The following P2RX6 variants were observed in gnomAD, a reference collection of about 807,000 sequenced individuals.
P2RX6 encodes the protein purinergic receptor P2X 6, also known as P2X purinoceptor 6.
A neutral mutation model predicts 54.2 loss-of-function variants in P2RX6; 62 were observed. That is an observed-to-expected ratio of 1.14 (90% CI 0.93 to 1.41). The LOEUF (loss-of-function observed/expected upper bound fraction) is 1.41, where lower values mean the gene tolerates loss of function less well. P2RX6 is among the 40% of genes most tolerant of loss of function. P2RX6 has a pLI of 0.00. For synonymous variants in P2RX6, 211 were observed against 231.9 expected, an observed-to-expected ratio of 0.91 and a Z score of 0.82; for missense variants, 541 against 566.3, an observed-to-expected ratio of 0.96 and a Z score of 0.45.
In P2RX6 at chr22:21,023,177, T is replaced by G; in HGVS notation, c.617T>G (p.Phe206Cys). 6 of 1,613,916 alleles carry G rather than the reference T, an allele frequency of 3.7e-6. No individual in the cohort carries two copies. Among genetic ancestry groups the G allele is most frequent in the Non-Finnish European group, 5.1e-6 (6 of 1,179,874 alleles). The change falls in exon 6 of 12, where the codon TTC becomes TGC. Residue 206 changes from phenylalanine (F) to cysteine (C), a missense_variant. Phe to Cys is a radical substitution (Grantham distance 205). Coordinates refer to ENST00000413302, the MANE Select transcript of P2RX6 (RefSeq NM_005446.5). ...FTLFIKNTVTFSKFNFSKSNA... is the reference protein window; with the variant it reads ...FTLFIKNTVTCSKFNFSKSNA... ...CTGTTCATCAAAAACACAGTCACCT[T>G]CAGCAAGTTCAACTTCTCTAAGTAA...
intron 3 of P2RX6, among the ~76,000 whole-genome samples, chr22:21,021,243 C>G (rs1927350784): frequency 6.6e-6 from 1 of 152,124 alleles, no homozygotes; most frequent in Non-Finnish European, 1.5e-5. Context: ...TCTCAAAGTG[C>G]TAGGATTACA....
In P2RX6 at chr22:21,027,008, C is replaced by T; in HGVS notation, c.*391C>T. 4.6e-6 allele frequency: 1 copy of T among 219,420 alleles called. No individual in the cohort carries two copies. Among genetic ancestry groups the T allele is most frequent in the South Asian group, 9.7e-5 (1 of 10,280 alleles). The allele number at this position is 219,420 out of a possible 1,614,324, so 13.6% of individuals were successfully genotyped here. A position where few individuals can be genotyped will look rare whatever the true frequency, so the allele number is the denominator to read the frequency against. On this transcript the variant is annotated 3_prime_UTR_variant, in exon 12 of 12. Coordinates refer to ENST00000413302, the MANE Select transcript of P2RX6 (RefSeq NM_005446.5). ...ACCCTCCTGCTGCCTGGGTCCTGGC[C>T]CTCCTCCCCCATCTGCACCCCCATC... is the stretch of plus-strand genomic sequence containing the variant.
chr22:21,019,265 A>T (rs2148031361), intron 3 of P2RX6, among the ~76,000 whole-genome samples: 1 of 152,256 alleles, frequency 6.6e-6, no homozygotes, highest in Admixed American at 6.5e-5. Context: ...GTTGCTGGAG[A>T]CATCCCATGT....
At chr22:21,022,834 T>A (rs1240802240) in intron 4 of P2RX6, 83 bp downstream of exon 4, 11 of 1,456,588 alleles carry the variant, frequency 7.6e-6, no homozygotes, top group Non-Finnish European at 1.0e-5. Flanking sequence ...GTGCAGGCCC[T>A]GCTCGCCTCT....
In P2RX6 at chr22:21,023,292, C is replaced by A. The variant is rs1174613262; in HGVS notation, c.656C>A (p.Thr219Asn). The change falls in exon 7 of 12, where the codon ACC becomes AAC. Residue 219 changes from threonine (T) to asparagine (N), a missense_variant. Physicochemically the swap from Thr to Asn is moderately conservative, Grantham distance 65. This residue lies in a region of P2RX6 where 526 missense variants were observed against 531.5 expected (regional missense o/e 0.99). Transcript: ENST00000413302. Reference protein sequence around the residue: ...FNFSKSNALETWDPTYFKHCR... With the variant: ...FNFSKSNALENWDPTYFKHCR... ...CCTCCCAGGTCCAATGCCTTGGAGA[C>A]CTGGGACCCCACCTATTTTAAGCAC... 1 of 1,613,998 alleles carries A rather than the reference C, an allele frequency of 6.2e-7. No homozygotes were observed. Among genetic ancestry groups the A allele is most frequent in the South Asian group, 1.1e-5 (1 of 91,072 alleles).
Position 21,025,841 on chromosome 22 carries a change from G to C in P2RX6, c.927G>C (p.Glu309Asp). 1 of 1,567,236 alleles carries C rather than the reference G, an allele frequency of 6.4e-7. No individual in the cohort carries two copies. The highest frequency in any genetic ancestry group is 8.6e-7 in the Non-Finnish European group (1 of 1,156,450). ...ATHWWEQPGV[E>D]ARTLLKLYGI... ...ACTGGTGGGAGCAACCGGGTGTGGAGGCCCGCACCCTGCTCAAGCTCTATG... is the reference window on the plus strand; with the variant it reads ...ACTGGTGGGAGCAACCGGGTGTGGACGCCCGCACCCTGCTCAAGCTCTATG... Residue 309 changes from glutamate to aspartate, a missense_variant, in exon 9 of 12, where the codon GAG (glutamate) becomes GAC (aspartate). By Grantham distance (45) the Glu-to-Asp change is conservative. Transcript: ENST00000413302.
At chr22:21,020,761 T>C (rs1359988155) in intron 3 of P2RX6, among the ~76,000 whole-genome samples, 1 of 151,762 alleles carries the variant, frequency 6.6e-6, no homozygotes, top group Non-Finnish European at 1.5e-5. Context: ...TCGGCTAATT[T>C]TTGTATTTTT....
rs566831963 is a variant in P2RX6 at position 21,020,961 on chromosome 22, G to T, written c.388-1715G>T. On this transcript the variant is annotated intron_variant, in intron 3 of 11. Coordinates refer to ENST00000413302, the MANE Select transcript of P2RX6 (RefSeq NM_005446.5). The stretch of plus-strand genomic sequence containing the variant: ...GAAGCAGGATGTCGACACAGAGGGG[G>T]CTTGGTGGGTAAAGGCCCTGAGCTG... Among the ~76,000 whole-genome samples the T allele has an allele frequency of 4.4e-4, 67 of 152,186 alleles. 3 individuals are homozygous for T. In the South Asian group the frequency reaches 0.013, roughly 30 times the overall value.
chr22:21,010,960 C>T (rs199822094), upstream of P2RX6, among the ~76,000 whole-genome samples: 27 of 151,500 alleles, frequency 1.8e-4, no homozygotes, highest in Non-Finnish European at 2.7e-4. Context: ...CTCCTTCCCA[C>T]CCTGCACATT....
chr22:21,022,659 T>A lies in P2RX6; in HGVS notation c.388-17T>A. ...CATCCCCTGTGCCATTGGTGACTGC[T>A]CTCTCTCCCACCTCAGCACCCGTCC... is the stretch of plus-strand genomic sequence containing the variant. On this transcript the variant is annotated splice_polypyrimidine_tract_variant and intron_variant, in intron 3 of 11. Coordinates refer to ENST00000413302, the MANE Select transcript of P2RX6 (RefSeq NM_005446.5). 1 of 1,506,688 alleles carries A rather than the reference T, an allele frequency of 6.6e-7. No individual in the cohort carries two copies. 93.3% of individuals were successfully genotyped at this position (1,506,688 alleles called of 1,614,324 possible).
At chr22:21,013,087 C>A, upstream of P2RX6, 1 of 161,760 alleles carries the variant, frequency 6.2e-6, no homozygotes, top group South Asian at 1.7e-4. Context: ...CTGGGGCACT[C>A]CCTTGGCACA....
rs73879479 is a variant in P2RX6 at position 21,027,521 on chromosome 22, C to A, written c.*904C>A. On this transcript the variant is annotated 3_prime_UTR_variant, in exon 12 of 12. Transcript: ENST00000413302. ...AGTCATACCTAGGAAGCTGTCTGGG[C>A]AGCTGCTCGAGGGAGGCCCTGGCTC... The A allele has an allele frequency of 0.025, 3,856 of 152,392 alleles. 159 individuals carry two copies. The highest frequency in any genetic ancestry group is 0.088 in the African/African-American group (3,640 of 41,454). The allele number at this position is 152,392 out of a possible 1,614,324, so 9.4% of individuals were successfully genotyped here.
chr22:21,015,833 G>A, intron 1 of P2RX6, 109 bp from the exon 2 acceptor site: 1 of 1,179,394 alleles, frequency 8.5e-7, no homozygotes, highest in Admixed American at 2.7e-5. Context: ...TTCGATGTTG[G>A]GCCGGGAGCC....
chr22:21,018,379 AGGC>A, intron 3 of P2RX6: 11 of 382,056 alleles, frequency 2.9e-5, no homozygotes, highest in South Asian at 6.7e-5. Context: ...TGAGGTGTCC[AGGC>A]CCTCCCATCC....
rs772735003 is a variant in P2RX6, at chr22:21,023,436, C to A, written c.780+20C>A. ...TTGCTGGTGGGTCCCAAGTTGGGGGCAGGGTTCCTAGAGGGCTCTGGGAGA... is the reference window on the plus strand; with the variant it reads ...TTGCTGGTGGGTCCCAAGTTGGGGGAAGGGTTCCTAGAGGGCTCTGGGAGA... On this transcript the variant is annotated intron_variant, in intron 7 of 11. Transcript: ENST00000413302. 3 of 1,613,918 alleles carry A rather than the reference C, an allele frequency of 1.9e-6. No homozygotes were observed. Among genetic ancestry groups the A allele is most frequent in the Non-Finnish European group, 2.5e-6 (3 of 1,179,852 alleles).
intron 3 of P2RX6, among the ~76,000 whole-genome samples, chr22:21,020,811 C>T (rs1185700342): frequency 2.6e-5 from 4 of 151,896 alleles, no homozygotes; most frequent in African/African-American, 9.7e-5. Flanking sequence ...AGGCTGGTCT[C>T]AAACTCCTGA....
intron 2 of P2RX6, among the ~76,000 whole-genome samples, chr22:21,016,333 C>T (rs112462808): frequency 0.11 from 17,320 of 151,972 alleles, 1,121 homozygotes; most frequent in Middle Eastern, 0.19. Flanking sequence ...CGTGCTGGCT[C>T]ACGCCTGTAA....
rs953801198 is a variant in P2RX6, at chr22:21,027,070, G to C, written c.*453G>C. The C allele has an allele frequency of 3.4e-5, 6 of 178,942 alleles. No individual in the cohort carries two copies. In the East Asian group the frequency reaches 6.3e-4, roughly 19 times the overall value. 11.1% of individuals were successfully genotyped at this position (178,942 alleles called of 1,614,324 possible). A position where few individuals can be genotyped will look rare whatever the true frequency, so the allele number is the denominator to read the frequency against. ...CCCCACCCTCCCATCGGTCCTACAT[G>C]GGGCTGTGCAGCTGGAGCCAAAAAG... On this transcript the variant is annotated 3_prime_UTR_variant, in exon 12 of 12. Coordinates refer to ENST00000413302, the MANE Select transcript of P2RX6 (RefSeq NM_005446.5).
At chr22:21,014,613 G>A (rs1324417970), upstream of P2RX6, among the ~76,000 whole-genome samples, 1 of 152,222 alleles carries the variant, frequency 6.6e-6, no homozygotes, top group Non-Finnish European at 1.5e-5. Flanking sequence ...CTGCACTGGG[G>A]AAGGTGGCGG....
Sources: allele counts gnomAD v4.1 joint callset (sites outside exome capture counted in the v4.1 genomes callset), GRCh38; gene constraint gnomAD v4.1.1; regional missense constraint gnomAD v4.1.1; transcripts MANE v1.5; gene names NCBI Gene and HGNC (gene_info 2026-07-23, HGNC 2026-07-21).